TENT2: variants seen among roughly 807,000 people sequenced by gnomAD.
The protein encoded by TENT2 is terminal nucleotidyltransferase 2.
In TENT2, 44 loss-of-function variants were observed where a neutral mutation model predicts 72.2. The observed-to-expected ratio is 0.61, with a 90% CI of 0.48 to 0.78. The LOEUF (loss-of-function observed/expected upper bound fraction) is 0.78. TENT2 is among the 30% of genes least tolerant of loss of function. The pLI is 0.00. For synonymous variants in TENT2, 212 were observed against 192.5 expected, an observed-to-expected ratio of 1.10 and a Z score of -0.84; for missense variants, 541 against 569.6, an observed-to-expected ratio of 0.95 and a Z score of 0.51.
Position 79,682,004 on chromosome 5 carries a change from A to G in TENT2, c.1323A>G (p.Thr441=). 1 of 1,613,566 alleles carries G rather than the reference A, an allele frequency of 6.2e-7. No homozygotes were observed. Among genetic ancestry groups the G allele is most frequent in the South Asian group, 1.1e-5 (1 of 90,914 alleles). The change falls in exon 14 of 15, where the codon ACA becomes ACG. Residue 441 remains threonine, a synonymous_variant. Transcript: ENST00000453514. ...CAGAACCTTTTGATGGAACAAATAC[A>G]GCCAGAGCAGTGCACGAAAAGCAGA... ...CVEEPFDGTN[T]ARAVHEKQKF... is the part of the protein sequence containing the mutation.
At chr5:79,614,007 G>C (rs746555560) in intron 1 of TENT2, 89 of 152,006 alleles carry the variant, frequency 5.9e-4, no homozygotes, top group Middle Eastern at 3.4e-3. Context: ...ATTTGTTGGA[G>C]GAGAGGTCAA....
intron 4 of TENT2, among the ~76,000 whole-genome samples, chr5:79,626,112 C>T (rs1769536506): frequency 1.3e-5 from 2 of 151,646 alleles, no homozygotes; most frequent in African/African-American, 4.8e-5. Context: ...CAGGTGTGAG[C>T]CACTGCACCT....
rs1820122044 is a variant in TENT2 at position 79,679,568 on chromosome 5, T to C, written c.1209-11T>C. ...AAATAGTTAACATGGTTACTGTTTT[T>C]CTTCTTATAGCTGGAATAGTCAAAT... On this transcript the variant is annotated splice_polypyrimidine_tract_variant and intron_variant, in intron 12 of 14. Coordinates refer to ENST00000453514, the MANE Select transcript of TENT2 (RefSeq NM_001114394.3). 1 of 1,570,588 alleles carries C rather than the reference T, an allele frequency of 6.4e-7. No homozygotes were observed. Among genetic ancestry groups the C allele is most frequent in the African/African-American group, 1.4e-5 (1 of 73,284 alleles).
At chr5:79,626,432 C>T (rs952019200) in intron 4 of TENT2, among the ~76,000 whole-genome samples, 8 of 151,306 alleles carry the variant, frequency 5.3e-5, no homozygotes, top group Non-Finnish European at 7.4e-5. Context: ...CTCAGCCTCC[C>T]GAGTAGCTGG....
At chr5:79,621,310 T>A (rs1198378696) in intron 3 of TENT2, among the ~76,000 whole-genome samples, 1 of 152,244 alleles carries the variant, frequency 6.6e-6, no homozygotes, top group Non-Finnish European at 1.5e-5. Context: ...TGAAATGTTG[T>A]ATGTCTCTGA....
intron 8 of TENT2, among the ~76,000 whole-genome samples, chr5:79,646,834 T>C (rs1416175571): frequency 2.0e-5 from 3 of 151,558 alleles, no homozygotes; most frequent in Non-Finnish European, 4.4e-5. Context: ...AGTGGCATGA[T>C]CATAGCTCAC....
intron 14 of TENT2, 96 bp from the exon 15 acceptor site, chr5:79,685,103 C>G: frequency 1.0e-6 from 1 of 969,064 alleles, no homozygotes; most frequent in Admixed American, 2.4e-5. Flanking sequence ...AAATTTATCA[C>G]CTAGAGAGAA....
intron 10 of TENT2, among the ~76,000 whole-genome samples, chr5:79,650,214 C>T (rs1352068808): frequency 1.3e-5 from 2 of 152,064 alleles, no homozygotes; most frequent in Non-Finnish European, 2.9e-5. Context: ...ATACTCATTT[C>T]TTCATTCTAT....
At chr5:79,637,311 C>T (rs1168033336) in intron 4 of TENT2, among the ~76,000 whole-genome samples, 4 of 152,132 alleles carry the variant, frequency 2.6e-5, no homozygotes, top group Non-Finnish European at 5.9e-5. Context: ...TACTTTCAGG[C>T]GTTATTTCTT....
At chr5:79,666,189 G>T (rs916785685) in intron 11 of TENT2, among the ~76,000 whole-genome samples, 3 of 151,350 alleles carry the variant, frequency 2.0e-5, no homozygotes, top group African/African-American at 7.3e-5. Context: ...GGGTTTCACC[G>T]TGTTGGCCAG....
At chr5:79,671,473 T>C (rs1195082589) in intron 12 of TENT2, among the ~76,000 whole-genome samples, 3 of 151,798 alleles carry the variant, frequency 2.0e-5, no homozygotes, top group African/African-American at 4.8e-5. Context: ...GGTGCGATCT[T>C]AGCTCACTGC....
chr5:79,670,107 T>C (rs1409807704), intron 12 of TENT2, among the ~76,000 whole-genome samples: 2 of 151,310 alleles, frequency 1.3e-5, no homozygotes, highest in Non-Finnish European at 2.9e-5. Flanking sequence ...TAATCCCAGC[T>C]ACTTGGGAGG....
At chr5:79,647,815 CATT>C (rs1283123290) in intron 8 of TENT2, among the ~76,000 whole-genome samples, 1 of 151,988 alleles carries the variant, frequency 6.6e-6, no homozygotes, top group Non-Finnish European at 1.5e-5. Flanking sequence ...TACATTGCAT[CATT>C]ATTGCCGTAT....
At chr5:79,671,765 T>A (rs1813117976) in intron 12 of TENT2, among the ~76,000 whole-genome samples, 1 of 152,022 alleles carries the variant, frequency 6.6e-6, no homozygotes. Flanking sequence ...GATGCTTGAG[T>A]ATATGGTATA....
intron 10 of TENT2, among the ~76,000 whole-genome samples, chr5:79,655,289 G>T (rs1035582612): frequency 2.6e-5 from 4 of 151,934 alleles, no homozygotes; most frequent in African/African-American, 9.7e-5. Flanking sequence ...TGATAACCCT[G>T]CCTCCAAAAA....
At chr5:79,658,597 A>G (rs1227169253) in intron 11 of TENT2, among the ~76,000 whole-genome samples, 1 of 152,204 alleles carries the variant, frequency 6.6e-6, no homozygotes, top group East Asian at 1.9e-4. Flanking sequence ...ATCTTGCTTT[A>G]AGACACAGGT....
chr5:79,622,393 T>C (rs565955573), intron 3 of TENT2, among the ~76,000 whole-genome samples: 3 of 152,278 alleles, frequency 2.0e-5, no homozygotes, highest in African/African-American at 7.2e-5. Context: ...CATGAACAAC[T>C]TAATATATCA....
chr5:79,615,679 G>A (rs148988729), intron 1 of TENT2, among the ~76,000 whole-genome samples: 2 of 151,830 alleles, frequency 1.3e-5, no homozygotes, highest in African/African-American at 4.8e-5. Flanking sequence ...TGCCAGTCTT[G>A]AATCTGGCAA....
chr5:79,664,970 C>T (rs561723899), intron 11 of TENT2, among the ~76,000 whole-genome samples: 2 of 152,208 alleles, frequency 1.3e-5, no homozygotes, highest in Admixed American at 1.3e-4. Context: ...ATTATAGTAC[C>T]TCTACTTTAT....
Sources: gnomAD v4.1 joint callset for allele counts (sites outside exome capture counted in the v4.1 genomes callset) on GRCh38, gnomAD v4.1.1 for gene constraint, MANE v1.5 for transcripts, NCBI Gene and HGNC (gene_info 2026-07-23, HGNC 2026-07-21) for gene names.